Variants in SARM1 observed in about 807,000 individuals in gnomAD.
SARM1 encodes sterile alpha and TIR motif containing 1.
A neutral mutation model predicts 65.1 loss-of-function variants in SARM1; 60 were observed. The observed-to-expected ratio is 0.92, with a 90% CI of 0.75 to 1.14. The LOEUF is 1.14. Among genes scored for constraint, SARM1 ranks in the 50% most tolerant of loss-of-function variants. The pLI is 0.00. For synonymous variants in SARM1, 417 were observed against 465.4 expected (o/e 0.90, Z 1.34); for missense variants, 913 against 1,015.7 (o/e 0.90, Z 1.37).
At chr17:28,383,542 G>A (rs1597819201) in intron 2 of SARM1, among the ~76,000 whole-genome samples, 1 of 152,306 alleles carries the variant, frequency 6.6e-6, no homozygotes, top group East Asian at 1.9e-4. Context: ...GGGTCTTAAA[G>A]GAAGTAGGGA....
In SARM1 at chr17:28,399,756, C is replaced by A. The variant is rs782584154; in HGVS notation, c.*3470C>A. ...GAGAGTTTGGATTTCATGTGGGGAA[C>A]CCTCAAGGCCTGTCTGGAGAAGTGA... On this transcript the variant is annotated 3_prime_UTR_variant, in exon 9 of 9. Coordinates refer to ENST00000585482, the MANE Select transcript of SARM1 (RefSeq NM_015077.4). The A allele has an allele frequency of 1.2e-6, 2 of 1,605,694 alleles. No individual in the cohort carries two copies. Among genetic ancestry groups the A allele is most frequent in the East Asian group, 4.5e-5 (2 of 44,842 alleles).
At chr17:28,386,953 G>A (rs2068052967) in intron 5 of SARM1, among the ~76,000 whole-genome samples, 1 of 152,078 alleles carries the variant, frequency 6.6e-6, no homozygotes. Context: ...TGCCCAGGCT[G>A]TTCTCAAACT....
chr17:28,376,390 T>C (rs1420769321), intron 1 of SARM1, among the ~76,000 whole-genome samples: 1 of 115,534 alleles, frequency 8.7e-6, no homozygotes, highest in Non-Finnish European at 1.7e-5. Flanking sequence ...AAACTCTGTC[T>C]CTACTAAAAA....
At chr17:28,375,649 G>A (rs1252856734) in intron 1 of SARM1, among the ~76,000 whole-genome samples, 5 of 151,268 alleles carry the variant, frequency 3.3e-5, no homozygotes, top group African/African-American at 7.3e-5. Flanking sequence ...TCAAAAAAGT[G>A]GAAAAGCACA....
intron 7 of SARM1, among the ~76,000 whole-genome samples, chr17:28,394,387 AT>A (rs1421007191): frequency 1.3e-5 from 2 of 152,196 alleles, no homozygotes; most frequent in Non-Finnish European, 2.9e-5. Context: ...CGCATGATGG[AT>A]CAACCTGTAC....
Position 28,381,359 on chromosome 17 carries a change from C to T in SARM1, c.627C>T (p.Asp209=). The part of the protein sequence containing the change: ...CQRLVAAGGL[D]AVLYWCRRTD... Reference sequence around the variant, plus strand: ...GGCTGGTGGCGGCCGGCGGCCTGGACGCGGTGCTGTATTGGTGCCGCCGCA... The same window carrying T: ...GGCTGGTGGCGGCCGGCGGCCTGGATGCGGTGCTGTATTGGTGCCGCCGCA... The change falls in exon 2 of 9, where the codon GAC becomes GAT. Residue 209 remains aspartate, a synonymous_variant. Transcript: ENST00000585482. 6.3e-7 allele frequency: 1 copy of T among 1,576,486 alleles called. No individual in the cohort carries two copies. Among genetic ancestry groups the T allele is most frequent in the East Asian group, 2.3e-5 (1 of 43,004 alleles).
chr17:28,387,027 C>G (rs1262566063), intron 5 of SARM1, among the ~76,000 whole-genome samples: 1 of 152,272 alleles, frequency 6.6e-6, no homozygotes, highest in African/African-American at 2.4e-5. Context: ...GCGTGGGCCA[C>G]CGCACCCAGC....
In SARM1 at chr17:28,372,332, G is replaced by A; in HGVS notation, c.300G>A (p.Glu100=). The change falls in exon 1 of 9, where the codon GAG becomes GAA. Residue 100 remains glutamate (E), a synonymous_variant. Coordinates refer to ENST00000585482, the MANE Select transcript of SARM1 (RefSeq NM_015077.4). The surrounding 1 kb of genome is among the most constrained non-coding windows in gnomAD (Gnocchi z 5.2). ...AGLAEVFQLV[E]EAWLLPAVGR... ...TGGCCGAGGTCTTCCAACTGGTGGA[G>A]GAGGCCTGGCTGCTGCCGGCCGTGG... The A allele has an allele frequency of 6.7e-7, 1 of 1,482,984 alleles. No homozygotes were observed. Among genetic ancestry groups the A allele is most frequent in the East Asian group, 2.8e-5 (1 of 35,328 alleles). 91.9% of individuals were successfully genotyped at this position (1,482,984 alleles called of 1,614,324 possible).
At position 28,401,052 on chromosome 17, in the gene SARM1, G is replaced by T; in HGVS notation, c.*4766G>T. 2.4e-6 allele frequency: 1 copy of T among 417,192 alleles called. No individual in the cohort carries two copies. Among genetic ancestry groups the T allele is most frequent in the South Asian group, 2.2e-5 (1 of 44,466 alleles). 25.8% of individuals were successfully genotyped at this position (417,192 alleles called of 1,614,324 possible). On this transcript the variant is annotated 3_prime_UTR_variant, in exon 9 of 9. Transcript: ENST00000585482. Reference sequence around the variant, plus strand: ...CACATAAAAGAAAAAAAAAGTACATGTGATATTGTCTGATGAAAGCTTGAT... The same window carrying T: ...CACATAAAAGAAAAAAAAAGTACATTTGATATTGTCTGATGAAAGCTTGAT...
At chr17:28,394,722 T>C (rs2068099918) in intron 7 of SARM1, 1 of 152,172 alleles carries the variant, frequency 6.6e-6, no homozygotes, top group Admixed American at 6.5e-5. Flanking sequence ...TAGAGTTTCT[T>C]TGAGTGCAAA....
Position 28,403,483 on chromosome 17 carries a change from G to T in SARM1, c.*7197G>T, listed in dbSNP as rs1311108020. 6.6e-6 allele frequency: 1 copy of T among 152,180 alleles called. No homozygotes were observed. The allele number at this position is 152,180 out of a possible 1,614,324, so 9.4% of individuals were successfully genotyped here. On this transcript the variant is annotated 3_prime_UTR_variant, in exon 9 of 9. Transcript: ENST00000585482. ...GAAGGTATACGATGAGGCATCCAGG[G>T]ACCCTAGCAGTGTCAGGCCCCTCAA...
At position 28,402,146 on chromosome 17, in the gene SARM1, G is replaced by T; in HGVS notation, c.*5860G>T. On this transcript the variant is annotated 3_prime_UTR_variant, in exon 9 of 9. Transcript: ENST00000585482. ...CTTCTCCAGGGTGAGAGGGGGGAAG[G>T]CAAGCTGTTCCCCCAGCCATGGCTG... The T allele has an allele frequency of 9.1e-7, 1 of 1,097,464 alleles. No homozygotes were observed. The highest frequency in any genetic ancestry group is 1.3e-6 in the Non-Finnish European group (1 of 765,790). The allele number at this position is 1,097,464 out of a possible 1,614,324, so 68.0% of individuals were successfully genotyped here.
intron 7 of SARM1, chr17:28,395,628 G>A: frequency 5.5e-6 from 2 of 362,524 alleles, no homozygotes; most frequent in South Asian, 6.9e-5. Flanking sequence ...CACCCCCCGG[G>A]CCCCCAGTGG....
At chr17:28,395,755 A>T in intron 7 of SARM1, 150 bp from the exon 8 acceptor site, 1 of 747,064 alleles carries the variant, frequency 1.3e-6, no homozygotes, top group Non-Finnish European at 2.2e-6. Context: ...ATTACACTAC[A>T]AGGGTTAAGG....
At position 28,372,224 on chromosome 17, in the gene SARM1, C is replaced by T. The variant is rs1407348832; in HGVS notation, c.192C>T (p.Ala64=). 2.6e-5 allele frequency: 36 copies of T among 1,386,040 alleles called. No individual in the cohort carries two copies. The highest frequency in any genetic ancestry group is 3.3e-5 in the Non-Finnish European group (36 of 1,079,906). The allele number at this position is 1,386,040 out of a possible 1,614,324, so 85.9% of individuals were successfully genotyped here. A position where few individuals can be genotyped will look rare whatever the true frequency, so the allele number is the denominator to read the frequency against. ...GGGCAGGCACCGAGGTGCAGGACGCCCTGGAGCGCGCGCTGCCGGAGCTGC... is the reference window on the plus strand; with the variant it reads ...GGGCAGGCACCGAGGTGCAGGACGCTCTGGAGCGCGCGCTGCCGGAGCTGC... ...SPGAGTEVQD[A]LERALPELQQ... The change falls in exon 1 of 9, where the codon GCC becomes GCT. Residue 64 remains alanine (A), a synonymous_variant. Coordinates refer to ENST00000585482, the MANE Select transcript of SARM1 (RefSeq NM_015077.4). The surrounding 1 kb of genome is among the most constrained non-coding windows in gnomAD (Gnocchi z 5.2).
At chr17:28,374,063 T>G (rs1220286819) in intron 1 of SARM1, 1 of 150,108 alleles carries the variant, frequency 6.7e-6, no homozygotes. Context: ...GGTCAGGGGT[T>G]CGAGACCAGC....
chr17:28,381,056 A>G (rs13339695), intron 1 of SARM1, 147 bp from the exon 2 acceptor site: 89,623 of 934,492 alleles, frequency 0.096, 5,257 homozygotes, highest in East Asian at 0.18. Context: ...AGGGGAGGAG[A>G]TGAGGGTGGG....
chr17:28,373,549 G>T (rs1244778707), intron 1 of SARM1: 4 of 152,172 alleles, frequency 2.6e-5, no homozygotes, highest in African/African-American at 9.6e-5. Flanking sequence ...AAGCAATTTA[G>T]GTTGGGAGAC....
At chr17:28,383,480 C>G (rs1465034395) in intron 2 of SARM1, among the ~76,000 whole-genome samples, 1 of 152,168 alleles carries the variant, frequency 6.6e-6, no homozygotes, top group Non-Finnish European at 1.5e-5. Context: ...CACTCCAGAG[C>G]TGGGTCAGGG....
Sources: allele counts gnomAD v4.1 joint callset (sites outside exome capture counted in the v4.1 genomes callset), GRCh38; gene constraint gnomAD v4.1.1; non-coding constraint Gnocchi (gnomAD v3.1); transcripts MANE v1.5; gene names NCBI Gene and HGNC (gene_info 2026-07-23, HGNC 2026-07-21).